RLN2: variants seen among roughly 807,000 people sequenced by gnomAD.
RLN2 encodes the protein relaxin 2.
Under a neutral mutation model 7.3 loss-of-function variants are expected in RLN2, and 10 were observed. The observed-to-expected ratio is 1.36, with a 90% CI of 0.84 to 2.31. The LOEUF (loss-of-function observed/expected upper bound fraction) is 2.31, where lower values mean the gene tolerates loss of function less well. Ranked by LOEUF, RLN2 falls within the 30% of genes most tolerant of loss-of-function variation. The probability of loss-of-function intolerance (pLI) is 0.00; values close to 1 mark genes in which losing one functional copy is unlikely to be tolerated. For synonymous variants in RLN2, 103 were observed against 82.3 expected (o/e 1.25, Z -1.36); for missense variants, 298 against 217.6 (o/e 1.37, Z -2.32).
chr9:5,335,095 T>C, the RLN2 span: 8 of 514,206 alleles, frequency 1.6e-5, no homozygotes, highest in Admixed American at 1.1e-4. Context: ...ACTACAATCA[T>C]ACAAAGAATA....
At chr9:5,315,529 A>G in the RLN2 span, among the ~76,000 whole-genome samples, 2 of 152,052 alleles carry the variant, frequency 1.3e-5, no homozygotes, top group Non-Finnish European at 2.9e-5. Flanking sequence ...GAAAGCTTAT[A>G]TAATGAAATA....
the RLN2 span, among the ~76,000 whole-genome samples, chr9:5,328,383 A>G: frequency 1.3e-5 from 2 of 152,086 alleles, no homozygotes; most frequent in Non-Finnish European, 2.9e-5. Context: ...AAAGAAATGA[A>G]CAAAGCCTCC....
At chr9:5,321,325 A>G in the RLN2 span, among the ~76,000 whole-genome samples, 1 of 152,020 alleles carries the variant, frequency 6.6e-6, no homozygotes, top group East Asian at 1.9e-4. Flanking sequence ...TTATTACCTC[A>G]TCTTGCACAT....
the RLN2 span, among the ~76,000 whole-genome samples, chr9:5,316,940 A>G: frequency 6.6e-6 from 1 of 152,088 alleles, no homozygotes; most frequent in African/African-American, 2.4e-5. Context: ...GAAATCAAAA[A>G]TATAAATGAG....
the RLN2 span, among the ~76,000 whole-genome samples, chr9:5,329,244 A>C: frequency 8.2e-4 from 115 of 140,464 alleles, 3 homozygotes; most frequent in East Asian, 0.021. Context: ...CGGAGCTTGC[A>C]GTGAGCCGAG....
chr9:5,337,196 T>A, the RLN2 span, among the ~76,000 whole-genome samples: 1 of 152,044 alleles, frequency 6.6e-6, no homozygotes, highest in Admixed American at 6.6e-5. Context: ...TGCTCCAACC[T>A]AAACTGTCTG....
the RLN2 span, among the ~76,000 whole-genome samples, chr9:5,319,724 G>C: frequency 9.2e-5 from 14 of 152,056 alleles, no homozygotes; most frequent in East Asian, 2.5e-3. Flanking sequence ...TTCAATTCTA[G>C]ACTTCAATTC....
chr9:5,328,586 A>G, the RLN2 span, among the ~76,000 whole-genome samples: 2 of 151,966 alleles, frequency 1.3e-5, no homozygotes, highest in African/African-American at 2.4e-5. Flanking sequence ...CCTCGAGAAG[A>G]GCAACCCCAA....
At chr9:5,332,707 C>G in the RLN2 span, among the ~76,000 whole-genome samples, 2 of 151,554 alleles carry the variant, frequency 1.3e-5, no homozygotes, top group African/African-American at 4.9e-5. Context: ...ACTGCAACTC[C>G]CGGGTTCAAG....
the RLN2 span, among the ~76,000 whole-genome samples, chr9:5,322,635 A>C: frequency 2.9e-4 from 44 of 152,040 alleles, no homozygotes; most frequent in East Asian, 5.4e-3. Context: ...CAATTTGATA[A>C]AGCTACAAAC....
At chr9:5,306,677 G>A (rs1268305069), upstream of RLN2, among the ~76,000 whole-genome samples, 1 of 152,056 alleles carries the variant, frequency 6.6e-6, no homozygotes, top group East Asian at 1.9e-4. Flanking sequence ...GCATACAGCT[G>A]TCAATTGCTG....
chr9:5,308,005 G>C (rs138786301), upstream of RLN2, among the ~76,000 whole-genome samples: 1 of 151,750 alleles, frequency 6.6e-6, no homozygotes, highest in Non-Finnish European at 1.5e-5. Flanking sequence ...TGATCCCAAT[G>C]ACAGTCGGTG....
chr9:5,330,129 T>G, the RLN2 span, among the ~76,000 whole-genome samples: 1 of 151,938 alleles, frequency 6.6e-6, no homozygotes, highest in South Asian at 2.1e-4. Flanking sequence ...CACAACTACA[T>G]GGAAACTGAA....
the RLN2 span, among the ~76,000 whole-genome samples, chr9:5,326,144 G>T: frequency 7.5e-3 from 1,135 of 152,078 alleles, 24 homozygotes; most frequent in African/African-American, 0.027. Context: ...ATTTTAAAAT[G>T]GACCTTTTTA....
At chr9:5,308,345 G>A (rs368193017), upstream of RLN2, among the ~76,000 whole-genome samples, 1 of 151,852 alleles carries the variant, frequency 6.6e-6, no homozygotes, top group African/African-American at 2.4e-5. Flanking sequence ...AAGTAATAGC[G>A]TATGTATGGA....
At chr9:5,333,378 G>C in the RLN2 span, among the ~76,000 whole-genome samples, 1 of 151,990 alleles carries the variant, frequency 6.6e-6, no homozygotes, top group African/African-American at 2.4e-5. Context: ...ACAACCATCA[G>C]AGAACACTAC....
the RLN2 span, among the ~76,000 whole-genome samples, chr9:5,328,978 G>A: frequency 3.9e-5 from 6 of 151,972 alleles, no homozygotes; most frequent in East Asian, 1.9e-4. Context: ...CTGCAAAAAC[G>A]TGCCAAATGG....
the RLN2 span, among the ~76,000 whole-genome samples, chr9:5,314,508 A>C: frequency 6.6e-6 from 1 of 152,038 alleles, no homozygotes; most frequent in African/African-American, 2.4e-5. Flanking sequence ...TGTCATGGCC[A>C]AACCCAATCA....
chr9:5,319,334 T>C, the RLN2 span, among the ~76,000 whole-genome samples: 1 of 151,958 alleles, frequency 6.6e-6, no homozygotes, highest in Admixed American at 6.6e-5. Context: ...TACCACTTTC[T>C]AACATAGCCA....
Sources: gnomAD v4.1 joint callset for allele counts (sites outside exome capture counted in the v4.1 genomes callset) on GRCh38, gnomAD v4.1.1 for gene constraint, MANE v1.5 for transcripts, NCBI Gene and HGNC (gene_info 2026-07-23, HGNC 2026-07-21) for gene names.